Variants in ICA1L observed in about 807,000 individuals in gnomAD.
The protein encoded by ICA1L is islet cell autoantigen 1 like.
In ICA1L, 50 loss-of-function variants were observed where a neutral mutation model predicts 61.3. The observed-to-expected ratio is 0.82, with a 90% CI of 0.65 to 1.03. The LOEUF (loss-of-function observed/expected upper bound fraction) is 1.03, where lower values mean the gene tolerates loss of function less well. Among genes scored for constraint, ICA1L ranks in the 50% least tolerant of loss-of-function variants. The probability of loss-of-function intolerance (pLI) is 0.00; values close to 1 mark genes in which losing one functional copy is unlikely to be tolerated. For synonymous variants in ICA1L, 161 were observed against 191.3 expected (o/e 0.84, Z 1.31); for missense variants, 508 against 556.7 (o/e 0.91, Z 0.88).
chr2:202,784,800 C>T (rs769017745), intron 12 of ICA1L, among the ~76,000 whole-genome samples: 6 of 152,040 alleles, frequency 3.9e-5, no homozygotes, highest in African/African-American at 7.2e-5. Flanking sequence ...TGGTGGTTAC[C>T]GGGGACTTAG....
At chr2:202,808,175 G>A (rs957242067) in intron 9 of ICA1L, among the ~76,000 whole-genome samples, 1 of 152,188 alleles carries the variant, frequency 6.6e-6, no homozygotes, top group Non-Finnish European at 1.5e-5. Context: ...GTCACCTGGG[G>A]TAGTCAGTTC....
At chr2:202,833,540 A>C (rs1228163122) in intron 1 of ICA1L, among the ~76,000 whole-genome samples, 1 of 152,116 alleles carries the variant, frequency 6.6e-6, no homozygotes, top group Non-Finnish European at 1.5e-5. Flanking sequence ...AACTATAATC[A>C]CACCACTGCA....
intron 1 of ICA1L, among the ~76,000 whole-genome samples, chr2:202,858,440 G>A (rs550071679): frequency 6.6e-6 from 1 of 152,326 alleles, no homozygotes; most frequent in Non-Finnish European, 1.5e-5. Flanking sequence ...ATGGACACAG[G>A]GAGGGGAACA....
At position 202,865,105 on chromosome 2, in the gene ICA1L, G is replaced by A. The variant is rs1420066213; in HGVS notation, c.-8+6514C>T. On this transcript the variant is annotated intron_variant, in intron 1 of 12. Coordinates refer to ENST00000358299, the MANE Select transcript of ICA1L (RefSeq NM_001288622.3). ...TTGAATCCGGGAGGTGGAGGTTGCA[G>A]TGAGCTGAGATCACACCACTGCACT... Among the ~76,000 whole-genome samples, 8 of 151,944 alleles carry A rather than the reference G, an allele frequency of 5.3e-5. 1 individual carries two copies. In the East Asian group the frequency reaches 1.6e-3, roughly 29 times the overall value.
chr2:202,813,814 G>A (rs376066043), intron 8 of ICA1L, among the ~76,000 whole-genome samples: 8 of 152,188 alleles, frequency 5.3e-5, no homozygotes, highest in Non-Finnish European at 7.3e-5. Flanking sequence ...GGATGTACAC[G>A]GCAACAGCCC....
intron 1 of ICA1L, among the ~76,000 whole-genome samples, chr2:202,846,240 T>C (rs575220110): frequency 5.9e-5 from 9 of 151,304 alleles, no homozygotes; most frequent in Non-Finnish European, 1.3e-4. Flanking sequence ...TTACCCTTTT[T>C]GGTTTTTCTT....
chr2:202,785,949 C>T lies in ICA1L; in HGVS notation c.1302G>A (p.Val434=). ...LCLSHTDNQP[V]PSQSPKKLTR... ...TTAATTTCTTTGGACTCTGTGAAGG[C>T]ACTGGCTGGTTATCAGTGTGTGAAA... The change falls in exon 12 of 13, where the codon GTG becomes GTA. Residue 434 remains valine (V), a synonymous_variant. Coordinates refer to ENST00000358299, the MANE Select transcript of ICA1L (RefSeq NM_001288622.3). 1 of 1,606,378 alleles carries T rather than the reference C, an allele frequency of 6.2e-7. No individual in the cohort carries two copies. The highest frequency in any genetic ancestry group is 1.1e-5 in the South Asian group (1 of 90,374).
Position 202,774,056 on chromosome 2 carries a change from G to A in ICA1L, c.*5477C>T, listed in dbSNP as rs1349941006. ...CTGCTCCACTTCTTGCTTCTTTGAT[G>A]TGTCATCCTAGCTGCCTAATATGAT... is the stretch of plus-strand genomic sequence containing the variant. On this transcript the variant is annotated 3_prime_UTR_variant, in exon 13 of 13. Transcript: ENST00000358299. 2.1e-6 allele frequency: 2 copies of A among 943,218 alleles called. No individual in the cohort carries two copies. The highest frequency in any genetic ancestry group is 1.5e-5 in the South Asian group (1 of 65,246). 58.4% of individuals were successfully genotyped at this position (943,218 alleles called of 1,614,324 possible). A position where few individuals can be genotyped will look rare whatever the true frequency, so the allele number is the denominator to read the frequency against.
In ICA1L at chr2:202,779,696, C is replaced by G. The variant is rs773844412; in HGVS notation, c.1334-48G>C. Reference sequence around the variant, plus strand: ...CATTAAAGAGATTCAGTTTTGAAATCATGTTTTTGTACCATATTTATGATT... The same window carrying G: ...CATTAAAGAGATTCAGTTTTGAAATGATGTTTTTGTACCATATTTATGATT... On this transcript the variant is annotated intron_variant, in intron 12 of 12. Coordinates refer to ENST00000358299, the MANE Select transcript of ICA1L (RefSeq NM_001288622.3). 12 of 1,115,482 alleles carry G rather than the reference C, an allele frequency of 1.1e-5. No individual in the cohort carries two copies. The Admixed American group carries it at 1.5e-4, about 14-fold the overall frequency. 69.1% of individuals were successfully genotyped at this position (1,115,482 alleles called of 1,614,324 possible). A position where few individuals can be genotyped will look rare whatever the true frequency, so the allele number is the denominator to read the frequency against.
chr2:202,871,003 G>C (rs1371619489), intron 1 of ICA1L: 3 of 152,236 alleles, frequency 2.0e-5, no homozygotes, highest in African/African-American at 7.2e-5. Context: ...CCGGCCTAAG[G>C]AGCAGGATCT....
At position 202,777,759 on chromosome 2, in the gene ICA1L, G is replaced by A. The variant is rs1337101672; in HGVS notation, c.*1774C>T. ...CATGGACTGCATTTTACCTACTCTG[G>A]TCCAATGTTTTCTATGTACCATGAC... On this transcript the variant is annotated 3_prime_UTR_variant, in exon 13 of 13. Coordinates refer to ENST00000358299, the MANE Select transcript of ICA1L (RefSeq NM_001288622.3). The A allele has an allele frequency of 3.3e-5, 5 of 151,864 alleles. No homozygotes were observed. Among genetic ancestry groups the A allele is most frequent in the Non-Finnish European group, 7.4e-5 (5 of 68,014 alleles). 9.4% of individuals were successfully genotyped at this position (151,864 alleles called of 1,614,324 possible).
chr2:202,806,087 G>A lies in ICA1L; in HGVS notation c.910+5659C>T, dbSNP rs937073538. ...CTCACGCCTGTAATCCCAGCACTTC[G>A]GGAGGCTGAGCCGAAAGCTCCAGCC... On this transcript the variant is annotated intron_variant, in intron 9 of 12. Transcript: ENST00000358299. 4.6e-5 allele frequency among the ~76,000 whole-genome samples: 7 copies of A among 152,218 alleles called. No homozygotes were observed. The South Asian group carries it at 8.3e-4, about 18-fold the overall frequency.
Position 202,774,046 on chromosome 2 carries a change from CTTCT to C in ICA1L, c.*5483_*5486del. 2.2e-6 allele frequency: 2 copies of C among 914,510 alleles called. No homozygotes were observed. Among genetic ancestry groups the C allele is most frequent in the Non-Finnish European group, 3.4e-6 (2 of 588,322 alleles). 56.6% of individuals were successfully genotyped at this position (914,510 alleles called of 1,614,324 possible). A position where few individuals can be genotyped will look rare whatever the true frequency, so the allele number is the denominator to read the frequency against. ...TGAACTAGCGCTGCTCCACTTCTTG[CTTCT>C]TTGATGTGTCATCCTAGCTGCCTAA... On this transcript the variant is annotated 3_prime_UTR_variant, in exon 13 of 13. Coordinates refer to ENST00000358299, the MANE Select transcript of ICA1L (RefSeq NM_001288622.3).
At chr2:202,840,863 C>T (rs747259095) in intron 1 of ICA1L, 3 of 644,574 alleles carry the variant, frequency 4.7e-6, no homozygotes, top group Non-Finnish European at 8.9e-6. Flanking sequence ...CATCCCAGAT[C>T]TCAGTCTTTG....
chr2:202,814,812 A>C, intron 7 of ICA1L, 28 bp from the exon 8 acceptor site: 1 of 1,404,550 alleles, frequency 7.1e-7, no homozygotes, highest in Non-Finnish European at 1.0e-6. Context: ...AATGTTAAGT[A>C]TATAGAATGA....
intron 5 of ICA1L, among the ~76,000 whole-genome samples, chr2:202,819,189 AT>A (rs1693628532): frequency 6.6e-6 from 1 of 152,218 alleles, no homozygotes; most frequent in Admixed American, 6.5e-5. Flanking sequence ...GAATTTTGTT[AT>A]TTATGTATAG....
Position 202,788,849 on chromosome 2 carries a change from A to G in ICA1L, c.1224T>C (p.His408=). ...ACTTACTGTTGAACGCTCCAGCCAC[A>G]TGAAAGCCAAGGTCAAAGAGTTGTG... ...LPSQLFDLGF[H]VAGAFNNWVS... Residue 408 remains histidine, a synonymous_variant, in exon 11 of 13, where the codon CAT becomes CAC. Transcript: ENST00000358299. The G allele has an allele frequency of 1.2e-6, 2 of 1,614,140 alleles. No homozygotes were observed. Among genetic ancestry groups the G allele is most frequent in the Admixed American group, 1.7e-5 (1 of 59,998 alleles).
intron 12 of ICA1L, among the ~76,000 whole-genome samples, chr2:202,783,261 T>G (rs1173201556): frequency 6.6e-6 from 1 of 152,146 alleles, no homozygotes. Context: ...AACAAACCAT[T>G]TGCAGTATTT....
At chr2:202,787,994 A>G (rs1330024356) in intron 11 of ICA1L, among the ~76,000 whole-genome samples, 1 of 152,244 alleles carries the variant, frequency 6.6e-6, no homozygotes, top group Non-Finnish European at 1.5e-5. Flanking sequence ...ACACAAGCAC[A>G]GATAGATGCA....
Sources: allele counts gnomAD v4.1 joint callset (sites outside exome capture counted in the v4.1 genomes callset), GRCh38; gene constraint gnomAD v4.1.1; transcripts MANE v1.5; gene names NCBI Gene and HGNC (gene_info 2026-07-23, HGNC 2026-07-21).